The following CELF2 variants were observed in gnomAD, a reference collection of about 807,000 sequenced individuals.
The protein encoded by CELF2 is CUG triplet repeat RNA-binding protein 2.
CELF2 carries 8 observed loss-of-function variants against 62.6 expected under a neutral mutation model. That is an observed-to-expected ratio of 0.13 (90% CI 0.07 to 0.23). The LOEUF (loss-of-function observed/expected upper bound fraction) is 0.23, where lower values mean the gene tolerates loss of function less well. Ranked by LOEUF, CELF2 falls within the 10% of genes least tolerant of loss-of-function variation. The pLI is 1.00. For missense variants in CELF2, 333 were observed against 671.0 expected (o/e 0.50, Z 5.56); for synonymous variants, 258 against 250.0 (o/e 1.03, Z -0.30).
intron 1 of CELF2, among the ~76,000 whole-genome samples, chr10:11,036,318 T>C (rs1041471542): frequency 2.0e-5 from 3 of 152,226 alleles, no homozygotes; most frequent in African/African-American, 7.2e-5. Flanking sequence ...AGGCTATAGC[T>C]TCTACTGAAT....
intron 1 of CELF2, among the ~76,000 whole-genome samples, chr10:10,828,751 C>T (rs2132166564): frequency 6.6e-6 from 1 of 152,150 alleles, no homozygotes; most frequent in South Asian, 2.1e-4. Flanking sequence ...TATGTTAGAC[C>T]AAGAATGTCC....
intron 2 of CELF2, among the ~76,000 whole-genome samples, chr10:11,180,064 C>T (rs1369832097): frequency 1.3e-5 from 2 of 152,170 alleles, no homozygotes; most frequent in Non-Finnish European, 2.9e-5. Flanking sequence ...GCTCCTCAGT[C>T]ACTGGGGGCC....
the CELF2 span, among the ~76,000 whole-genome samples, chr10:10,599,067 A>AT: frequency 1.3e-5 from 2 of 151,802 alleles, no homozygotes; most frequent in African/African-American, 4.8e-5. Flanking sequence ...TGATTTTCTA[A>AT]TTTTTTAATA....
chr10:10,542,201 T>A, the CELF2 span, among the ~76,000 whole-genome samples: 1 of 152,118 alleles, frequency 6.6e-6, no homozygotes, highest in Non-Finnish European at 1.5e-5. Flanking sequence ...CTCACATAGC[T>A]CTTTTGAGTC....
At chr10:10,694,480 T>C in the CELF2 span, among the ~76,000 whole-genome samples, 1 of 152,168 alleles carries the variant, frequency 6.6e-6, no homozygotes, top group African/African-American at 2.4e-5. Context: ...GAAAAAAATG[T>C]ATATTCTGTT....
the CELF2 span, among the ~76,000 whole-genome samples, chr10:10,696,609 C>A: frequency 3.9e-5 from 6 of 151,978 alleles, no homozygotes; most frequent in South Asian, 2.1e-4. Flanking sequence ...AGCCTCGCTG[C>A]GGCCTTGCAG....
the CELF2 span, among the ~76,000 whole-genome samples, chr10:10,756,235 A>C: frequency 6.6e-6 from 1 of 152,186 alleles, no homozygotes; most frequent in African/African-American, 2.4e-5. Flanking sequence ...TACACTTTTC[A>C]GGTCATTTAA....
the CELF2 span, among the ~76,000 whole-genome samples, chr10:10,587,098 C>T: frequency 6.6e-6 from 1 of 152,122 alleles, no homozygotes; most frequent in Non-Finnish European, 1.5e-5. Flanking sequence ...GTCCTAGTAT[C>T]CGTGTCTTTA....
chr10:10,603,388 T>A, the CELF2 span, among the ~76,000 whole-genome samples: 1 of 151,966 alleles, frequency 6.6e-6, no homozygotes, highest in Admixed American at 6.6e-5. Context: ...GGCAATGCAT[T>A]CCCCATTCAA....
At position 11,262,940 on chromosome 10, in the gene CELF2, C is replaced by CTTTTTTTT. The variant is rs553831640; in HGVS notation, c.539-3638_539-3631dup. Among the ~76,000 whole-genome samples the CTTTTTTTT allele has an allele frequency of 4.1e-3, 216 of 52,760 alleles. 69 individuals carry two copies. The highest frequency in any genetic ancestry group is 0.029 in the Middle Eastern group (1 of 34). 34.6% of individuals were successfully genotyped at this position (52,760 alleles called of 152,430 possible). ...GTTCATGCTTTTAAAAGTGGCTTTA[C>CTTTTTTTT]TTTTTTTTTTTTTTTTTTTTTTTTT... is the stretch of plus-strand genomic sequence containing the variant. On this transcript the variant is annotated intron_variant, in intron 5 of 12. Coordinates refer to ENST00000633077, the MANE Select transcript of CELF2 (RefSeq NM_001326342.2).
At chr10:10,874,217 C>T (rs2060941982) in intron 1 of CELF2, among the ~76,000 whole-genome samples, 1 of 152,078 alleles carries the variant, frequency 6.6e-6, no homozygotes, top group African/African-American at 2.4e-5. Flanking sequence ...ACTTGGGAGG[C>T]TGAGGTAGGA....
chr10:10,833,494 A>C lies in CELF2; in HGVS notation c.53+34677A>C, dbSNP rs117449434. On this transcript the variant is annotated intron_variant, in intron 1 of 13. Transcript: ENST00000636488. Reference sequence around the variant, plus strand: ...AGACCTTGCTGTAAATCAGTTAGAAAGTAGATAATTAGGGGCAGGCAGCAT... The same window carrying C: ...AGACCTTGCTGTAAATCAGTTAGAACGTAGATAATTAGGGGCAGGCAGCAT... Among the ~76,000 whole-genome samples, 491 of 152,340 alleles carry C rather than the reference A, an allele frequency of 3.2e-3. 1 individual carries two copies. Among genetic ancestry groups the C allele is most frequent in the Non-Finnish European group, 5.1e-3 (347 of 68,020 alleles).
intron 2 of CELF2, among the ~76,000 whole-genome samples, chr10:11,175,069 C>CT (rs368549921): frequency 1.4e-4 from 22 of 151,982 alleles, no homozygotes; most frequent in African/African-American, 4.8e-4. Context: ...TCTGCCCCCC[C>CT]GCCCCAAATG....
At chr10:10,598,462 C>T in the CELF2 span, among the ~76,000 whole-genome samples, 2 of 152,222 alleles carry the variant, frequency 1.3e-5, no homozygotes, top group East Asian at 3.9e-4. Context: ...AGCCTGGCCA[C>T]TGCAGAAGTC....
chr10:10,784,022 A>C, the CELF2 span, among the ~76,000 whole-genome samples: 1 of 151,950 alleles, frequency 6.6e-6, no homozygotes, highest in Admixed American at 6.6e-5. Flanking sequence ...GAAGGTCATG[A>C]CCTCCAACTT....
the CELF2 span, among the ~76,000 whole-genome samples, chr10:10,678,994 C>G: frequency 6.6e-6 from 1 of 152,142 alleles, no homozygotes; most frequent in Non-Finnish European, 1.5e-5. Context: ...AACCAATATT[C>G]CCTCACATGG....
At position 10,947,280 on chromosome 10, in the gene CELF2, T is replaced by C. The variant is rs1415654653; in HGVS notation, c.89+27281T>C. 1 of 152,608 alleles carries C rather than the reference T, an allele frequency of 6.6e-6. No homozygotes were observed. The highest frequency in any genetic ancestry group is 1.5e-5 in the Non-Finnish European group (1 of 68,058). 9.5% of individuals were successfully genotyped at this position (152,608 alleles called of 1,614,324 possible). A position where few individuals can be genotyped will look rare whatever the true frequency, so the allele number is the denominator to read the frequency against. ...CCATGCACAGTTGGAAGGACATTTC[T>C]CTGGCCATCCTGAGCACATTTTTTC... On this transcript the variant is annotated intron_variant, in intron 2 of 13. Coordinates refer to the CELF2 transcript ENST00000636488. This position sits in a 1 kb window ranked among gnomAD's most constrained non-coding sequence, Gnocchi z 4.1.
chr10:10,542,905 G>A, the CELF2 span, among the ~76,000 whole-genome samples: 2 of 152,154 alleles, frequency 1.3e-5, no homozygotes, highest in African/African-American at 4.8e-5. Flanking sequence ...GCAGACTGTG[G>A]GCCAGAGTTT....
At chr10:10,658,321 A>G in the CELF2 span, among the ~76,000 whole-genome samples, 2 of 152,166 alleles carry the variant, frequency 1.3e-5, no homozygotes, top group Admixed American at 6.5e-5. Context: ...CTGTTGTGCA[A>G]TCACTTCATC....
Sources: gnomAD v4.1 joint callset for allele counts (sites outside exome capture counted in the v4.1 genomes callset) on GRCh38, gnomAD v4.1.1 for gene constraint, Gnocchi (gnomAD v3.1) non-coding constraint, MANE v1.5 for transcripts, NCBI Gene and HGNC (gene_info 2026-07-23, HGNC 2026-07-21) for gene names.